The following ALG5 variants were observed in gnomAD, a reference collection of about 807,000 sequenced individuals.
ALG5 encodes the protein dolichyl-phosphate beta-glucosyltransferase.
In ALG5, 26 loss-of-function variants were observed where a neutral mutation model predicts 51.8. The ratio of observed to expected loss-of-function variants is 0.50; its 90% CI spans 0.37 to 0.70. ALG5 has a LOEUF of 0.70. ALG5 is among the 30% of genes least tolerant of loss of function. ALG5 has a pLI of 0.00. For synonymous variants in ALG5, 141 were observed against 136.1 expected (o/e 1.04, Z -0.25); for missense variants, 311 against 399.3 (o/e 0.78, Z 1.88).
chr13:36,960,384 T>C (rs2058860296), intron 8 of ALG5, among the ~76,000 whole-genome samples: 1 of 152,166 alleles, frequency 6.6e-6, no homozygotes, highest in East Asian at 1.9e-4. Flanking sequence ...GCCACAGCTA[T>C]GGAGTGGAAA....
chr13:36,955,985 A>G (rs1007965102), intron 8 of ALG5, among the ~76,000 whole-genome samples: 4 of 152,204 alleles, frequency 2.6e-5, no homozygotes, highest in African/African-American at 9.6e-5. Flanking sequence ...ATAGGCAATA[A>G]AAGCAAAAAC....
intron 7 of ALG5, among the ~76,000 whole-genome samples, chr13:36,970,878 T>C (rs2058919644): frequency 6.6e-6 from 1 of 152,222 alleles, no homozygotes; most frequent in Admixed American, 6.5e-5. Context: ...GCCACTGCAC[T>C]GCATCCTGGG....
chr13:36,966,845 T>A (rs1193355262), intron 7 of ALG5, among the ~76,000 whole-genome samples: 1 of 152,242 alleles, frequency 6.6e-6, no homozygotes, highest in Non-Finnish European at 1.5e-5. Context: ...TTCAAAATTA[T>A]AATTTTTAGT....
chr13:36,958,583 A>G (rs896830151), intron 8 of ALG5, among the ~76,000 whole-genome samples: 4 of 152,118 alleles, frequency 2.6e-5, no homozygotes, highest in East Asian at 3.9e-4. Flanking sequence ...CTACGCCCCA[A>G]TTCAGCAGGA....
chr13:36,998,575 G>A lies in ALG5; in HGVS notation c.66+660C>T, dbSNP rs1471716498. ...CAATGTTTTTGTGTTTCGAGAGCAA[G>A]GGCAAAGACAATCGAGTTTGCATTC... On this transcript the variant is annotated intron_variant, in intron 1 of 9. Transcript: ENST00000239891. Among the ~76,000 whole-genome samples the A allele has an allele frequency of 2.6e-5, 4 of 152,300 alleles. No individual in the cohort carries two copies. The East Asian group carries it at 7.7e-4, about 29-fold the overall frequency.
At chr13:36,968,826 A>T (rs1315555207) in intron 7 of ALG5, among the ~76,000 whole-genome samples, 1 of 152,250 alleles carries the variant, frequency 6.6e-6, no homozygotes, top group Non-Finnish European at 1.5e-5. Flanking sequence ...CATGAGGCGG[A>T]TGCATGTCTT....
intron 8 of ALG5, among the ~76,000 whole-genome samples, chr13:36,963,735 T>C (rs2058878989): frequency 6.6e-6 from 1 of 152,204 alleles, no homozygotes; most frequent in Non-Finnish European, 1.5e-5. Flanking sequence ...TTTTTTAAAG[T>C]AGTATTTTGG....
intron 4 of ALG5, among the ~76,000 whole-genome samples, chr13:36,990,762 T>C (rs906874761): frequency 2.6e-5 from 4 of 152,186 alleles, no homozygotes; most frequent in Non-Finnish European, 4.4e-5. Context: ...GTTGCTCAAA[T>C]TGAAAACCTG....
intron 8 of ALG5, among the ~76,000 whole-genome samples, chr13:36,955,106 C>A (rs1480128926): frequency 6.6e-6 from 1 of 152,186 alleles, no homozygotes; most frequent in East Asian, 1.9e-4. Context: ...TCCTTCCCTT[C>A]ATGCCTTTTC....
intron 7 of ALG5, among the ~76,000 whole-genome samples, chr13:36,969,707 G>C (rs1373788198): frequency 6.6e-6 from 1 of 151,736 alleles, no homozygotes; most frequent in Non-Finnish European, 1.5e-5. Context: ...GCTAGTTTTT[G>C]TATTTTTAGT....
At chr13:36,989,599 G>A (rs1351171781) in intron 4 of ALG5, 23 bp from the exon 5 acceptor site, 3 of 1,541,340 alleles carry the variant, frequency 1.9e-6, no homozygotes, top group Middle Eastern at 3.4e-4. Flanking sequence ...ATAAAAATCA[G>A]AATAAAATTA....
At chr13:36,996,021 A>C (rs770981102) in intron 1 of ALG5, among the ~76,000 whole-genome samples, 10 of 151,204 alleles carry the variant, frequency 6.6e-5, no homozygotes, top group Non-Finnish European at 1.2e-4. Context: ...TGACAGGACA[A>C]GTCCATTTTG....
chr13:36,988,589 C>G (rs1269184404), intron 5 of ALG5, among the ~76,000 whole-genome samples: 1 of 152,214 alleles, frequency 6.6e-6, no homozygotes, highest in African/African-American at 2.4e-5. Context: ...TCTGATAACA[C>G]TGGGTAATTT....
At chr13:36,972,126 C>G (rs2058926859) in intron 6 of ALG5, 90 bp from the exon 7 acceptor site, 3 of 1,083,810 alleles carry the variant, frequency 2.8e-6, no homozygotes, top group Non-Finnish European at 4.0e-6. Context: ...TTTTTAGAAA[C>G]TGATTTTAAA....
chr13:36,971,117 A>T (rs2058920858), intron 7 of ALG5, among the ~76,000 whole-genome samples: 2 of 152,114 alleles, frequency 1.3e-5, no homozygotes, highest in African/African-American at 4.8e-5. Context: ...GGACCTGGGA[A>T]ATTGTTACTC....
intron 5 of ALG5, among the ~76,000 whole-genome samples, chr13:36,986,208 T>C (rs982132397): frequency 2.0e-5 from 3 of 152,236 alleles, no homozygotes; most frequent in African/African-American, 7.2e-5. Flanking sequence ...TCATTTATTA[T>C]AGGATCTAAA....
intron 5 of ALG5, among the ~76,000 whole-genome samples, chr13:36,986,813 G>A (rs1400820471): frequency 6.6e-6 from 1 of 152,156 alleles, no homozygotes; most frequent in Non-Finnish European, 1.5e-5. Flanking sequence ...TGTAGTCCCA[G>A]CTACTTGGGA....
chr13:36,954,343 TG>T (rs1307329958), intron 8 of ALG5, among the ~76,000 whole-genome samples: 3 of 152,194 alleles, frequency 2.0e-5, no homozygotes, highest in Non-Finnish European at 2.9e-5. Context: ...TTCATCTCTG[TG>T]CCACCATGCC....
intron 8 of ALG5, among the ~76,000 whole-genome samples, chr13:36,961,570 G>GT (rs953738365): frequency 2.0e-5 from 3 of 152,114 alleles, no homozygotes; most frequent in African/African-American, 7.2e-5. Context: ...ACAGATTTTG[G>GT]TATCTGTGGG....
Sources: allele counts gnomAD v4.1 joint callset (sites outside exome capture counted in the v4.1 genomes callset), GRCh38; gene constraint gnomAD v4.1.1; transcripts MANE v1.5; gene names NCBI Gene and HGNC (gene_info 2026-07-23, HGNC 2026-07-21).